The following ARL14EPL variants were observed in gnomAD, a reference collection of about 807,000 sequenced individuals.
ARL14EPL encodes the protein ARF like GTPase 14 effector protein like, also known as ARL14 effector protein-like.
Under a neutral mutation model 15.9 loss-of-function variants are expected in ARL14EPL, and 17 were observed. The ratio of observed to expected loss-of-function variants is 1.07; its 90% CI spans 0.73 to 1.60. The LOEUF is 1.60. ARL14EPL is among the 40% of genes most tolerant of loss of function. The probability of loss-of-function intolerance (pLI) is 0.00; values close to 1 mark genes in which losing one functional copy is unlikely to be tolerated. For synonymous variants in ARL14EPL, 78 were observed against 63.8 expected, an observed-to-expected ratio of 1.22 and a Z score of -1.06; for missense variants, 214 against 185.9, an observed-to-expected ratio of 1.15 and a Z score of -0.88.
At chr5:116,043,506 C>T (rs1325823885) in intron 1 of ARL14EPL, among the ~76,000 whole-genome samples, 1 of 152,044 alleles carries the variant, frequency 6.6e-6, no homozygotes, top group East Asian at 1.9e-4. Context: ...GAAAAATACT[C>T]TTCAGTCTTT....
chr5:116,055,916 C>T (rs538722855), intron 3 of ARL14EPL, among the ~76,000 whole-genome samples: 19 of 152,088 alleles, frequency 1.2e-4, no homozygotes, highest in Non-Finnish European at 2.1e-4. Context: ...TTAGTCCTTG[C>T]GATAGTTTGC....
Position 116,054,127 on chromosome 5 carries a change from G to A in ARL14EPL, c.210G>A (p.Met70Ile), listed in dbSNP as rs1350554490. Residue 70 changes from methionine to isoleucine, a missense_variant, in exon 3 of 4, where the codon ATG becomes ATA. Transcript: ENST00000686077. The part of the protein sequence containing the change: ...QQKKKARMSK[M>I]NEYFSTKYKI... ...AAAAGAAAGCCCGGATGTCAAAGATGAATGAATATTTTTCTACCAAATACA... is the reference window on the plus strand; with the variant it reads ...AAAAGAAAGCCCGGATGTCAAAGATAAATGAATATTTTTCTACCAAATACA... The A allele has an allele frequency of 9.8e-6, 15 of 1,535,242 alleles. No individual in the cohort carries two copies. Among genetic ancestry groups the A allele is most frequent in the East Asian group, 2.4e-5 (1 of 40,904 alleles).
chr5:116,046,944 A>G (rs927363776), intron 1 of ARL14EPL, among the ~76,000 whole-genome samples: 3 of 152,156 alleles, frequency 2.0e-5, no homozygotes, highest in Admixed American at 6.5e-5. Flanking sequence ...TTGTAAGAGG[A>G]AAACAGCCTG....
At chr5:116,041,017 A>C (rs1749146633) in intron 1 of ARL14EPL, among the ~76,000 whole-genome samples, 1 of 143,062 alleles carries the variant, frequency 7.0e-6, no homozygotes, top group Non-Finnish European at 1.5e-5. Flanking sequence ...GCATCAAAAA[A>C]CACAATAGAA....
At chr5:116,050,029 A>G (rs189629665) in intron 1 of ARL14EPL, among the ~76,000 whole-genome samples, 1 of 152,232 alleles carries the variant, frequency 6.6e-6, no homozygotes, top group Admixed American at 6.5e-5. Context: ...CTGCTTATGA[A>G]TTCTATTTAT....
intron 1 of ARL14EPL, among the ~76,000 whole-genome samples, chr5:116,034,508 T>A (rs1749013408): frequency 6.6e-6 from 1 of 152,198 alleles, no homozygotes; most frequent in African/African-American, 2.4e-5. Context: ...ACAAGGTTGA[T>A]GTTTTCCTTC....
chr5:116,048,218 A>T (rs779961538), intron 1 of ARL14EPL, among the ~76,000 whole-genome samples: 4 of 152,160 alleles, frequency 2.6e-5, no homozygotes, highest in Non-Finnish European at 5.9e-5. Context: ...AGGACAAATC[A>T]GTTTATTAAC....
At chr5:116,042,251 T>G (rs535753712) in intron 1 of ARL14EPL, among the ~76,000 whole-genome samples, 1 of 152,348 alleles carries the variant, frequency 6.6e-6, no homozygotes, top group South Asian at 2.1e-4. Context: ...CTTATTTGAT[T>G]ACATATCTTC....
At chr5:116,041,915 A>C (rs921409522) in intron 1 of ARL14EPL, among the ~76,000 whole-genome samples, 1 of 152,020 alleles carries the variant, frequency 6.6e-6, no homozygotes, top group Non-Finnish European at 1.5e-5. Context: ...TGCAGCCTCA[A>C]CTTCCCAGGC....
intron 2 of ARL14EPL, among the ~76,000 whole-genome samples, chr5:116,053,351 C>CAA (rs35918468): frequency 2.5e-3 from 324 of 131,138 alleles, no homozygotes; most frequent in Middle Eastern, 7.5e-3. Flanking sequence ...GACCCTATCT[C>CAA]AAAAAAAAAA....
intron 1 of ARL14EPL, among the ~76,000 whole-genome samples, chr5:116,032,988 G>T (rs1425855308): frequency 2.0e-5 from 3 of 152,058 alleles, no homozygotes. Flanking sequence ...TAGTTGAGAT[G>T]GGGTTTCACC....
chr5:116,055,316 TC>T (rs1749489532), intron 3 of ARL14EPL, among the ~76,000 whole-genome samples: 1 of 152,218 alleles, frequency 6.6e-6, no homozygotes, highest in African/African-American at 2.4e-5. Context: ...TAAATTAATA[TC>T]TTGGAAAAAG....
intron 1 of ARL14EPL, among the ~76,000 whole-genome samples, chr5:116,043,162 G>C (rs1021002194): frequency 6.7e-6 from 1 of 150,036 alleles, no homozygotes; most frequent in South Asian, 2.2e-4. Flanking sequence ...CTAAAAACTG[G>C]TAAAATAAAT....
At chr5:116,054,617 G>C (rs1020903628) in intron 3 of ARL14EPL, among the ~76,000 whole-genome samples, 1 of 152,128 alleles carries the variant, frequency 6.6e-6, no homozygotes, top group African/African-American at 2.4e-5. Flanking sequence ...GGATCACTAG[G>C]TCAGGAGATC....
intron 2 of ARL14EPL, among the ~76,000 whole-genome samples, chr5:116,052,550 C>G (rs755535829): frequency 1.5e-4 from 23 of 152,204 alleles, no homozygotes; most frequent in Non-Finnish European, 2.8e-4. Flanking sequence ...GGCTTGAGCA[C>G]AGGCAGGTGA....
At chr5:116,044,453 T>C (rs1206804483) in intron 1 of ARL14EPL, among the ~76,000 whole-genome samples, 1 of 150,950 alleles carries the variant, frequency 6.6e-6, no homozygotes, top group African/African-American at 2.4e-5. Context: ...GTTTTAACAC[T>C]GAAGAAAAAC....
chr5:116,044,465 T>TTA (rs35174440), intron 1 of ARL14EPL, among the ~76,000 whole-genome samples: 11,507 of 148,520 alleles, frequency 0.077, 523 homozygotes, highest in Admixed American at 0.12. Context: ...AAGAAAAACA[T>TTA]TATATATATA....
At chr5:116,032,807 G>T (rs1002216470) in intron 1 of ARL14EPL, among the ~76,000 whole-genome samples, 14 of 151,798 alleles carry the variant, frequency 9.2e-5, no homozygotes, top group African/African-American at 3.4e-4. Flanking sequence ...TTTTGTTTTT[G>T]TTTTTTTGAA....
intron 2 of ARL14EPL, among the ~76,000 whole-genome samples, chr5:116,053,076 G>A (rs956309026): frequency 6.6e-5 from 10 of 152,080 alleles, no homozygotes; most frequent in African/African-American, 2.2e-4. Flanking sequence ...TAATTACAGT[G>A]GCTCACACCT....
Sources: allele counts gnomAD v4.1 joint callset (sites outside exome capture counted in the v4.1 genomes callset), GRCh38; gene constraint gnomAD v4.1.1; transcripts MANE v1.5; gene names NCBI Gene and HGNC (gene_info 2026-07-23, HGNC 2026-07-21).